HERC2: variants seen among roughly 807,000 people sequenced by gnomAD.
The protein encoded by HERC2 is E3 ubiquitin-protein ligase HERC2.
HERC2 carries 102 observed loss-of-function variants against 537.7 expected under a neutral mutation model. That is an observed-to-expected ratio of 0.19 (90% confidence interval 0.16 to 0.22). The LOEUF (loss-of-function observed/expected upper bound fraction) is 0.22, where lower values mean the gene tolerates loss of function less well. Ranked by LOEUF, HERC2 falls within the 10% of genes least tolerant of loss-of-function variation. The probability of loss-of-function intolerance (pLI) is 1.00; values close to 1 mark genes in which losing one functional copy is unlikely to be tolerated. For missense variants in HERC2, 4,236 were observed against 6,198.2 expected (o/e 0.68, Z 10.63); for synonymous variants, 2,224 against 2,466.2 (o/e 0.90, Z 2.91).
At chr15:28,112,527 C>G (rs1887760205) in intron 92 of HERC2, among the ~76,000 whole-genome samples, 1 of 152,238 alleles carries the variant, frequency 6.6e-6, no homozygotes, top group African/African-American at 2.4e-5. Flanking sequence ...GCAGGTCAGG[C>G]TGTGCTGGAC....
intron 23 of HERC2, among the ~76,000 whole-genome samples, chr15:28,240,695 A>G (rs963290148): frequency 6.6e-6 from 1 of 152,236 alleles, no homozygotes; most frequent in Non-Finnish European, 1.5e-5. Context: ...TGGACAGACA[A>G]ACATACAGAA....
Position 28,238,624 on chromosome 15 carries a change from C to T in HERC2, c.3726G>A (p.Ser1242=), listed in dbSNP as rs377103198. 7.4e-6 allele frequency: 12 copies of T among 1,611,280 alleles called. No homozygotes were observed. Among genetic ancestry groups the T allele is most frequent in the Admixed American group, 1.7e-5 (1 of 59,990 alleles). ...VYDIKDFQTQ[S]LTGNSILAQF... Reference sequence around the variant, plus strand: ...TACCAAGAATACTATTTCCTGTTAACGACTGTGTCTGGAAGTCCTTTATAT... The same window carrying T: ...TACCAAGAATACTATTTCCTGTTAATGACTGTGTCTGGAAGTCCTTTATAT... Residue 1242 remains serine, a synonymous_variant, in exon 24 of 93, where the codon TCG becomes TCA. Coordinates refer to ENST00000261609, the MANE Select transcript of HERC2 (RefSeq NM_004667.6).
chr15:28,199,311 A>T (rs1897669976), intron 48 of HERC2, among the ~76,000 whole-genome samples: 1 of 152,218 alleles, frequency 6.6e-6, no homozygotes, highest in South Asian at 2.1e-4. Context: ...GGGAGCTTTC[A>T]AAGATTACTG....
At chr15:28,161,061 C>T (rs1281448523) in intron 69 of HERC2, among the ~76,000 whole-genome samples, 1 of 152,144 alleles carries the variant, frequency 6.6e-6, no homozygotes, top group Non-Finnish European at 1.5e-5. Context: ...CTTTTTAGTT[C>T]TTCATGAATA....
At chr15:28,197,434 T>C (rs1204586957) in intron 50 of HERC2, among the ~76,000 whole-genome samples, 2 of 152,202 alleles carry the variant, frequency 1.3e-5, no homozygotes, top group Admixed American at 6.5e-5. Flanking sequence ...TTTCCATTTC[T>C]TAAATTCAGT....
chr15:28,156,551 TTGTC>T (rs2142379345), intron 69 of HERC2, among the ~76,000 whole-genome samples: 1 of 152,278 alleles, frequency 6.6e-6, no homozygotes, highest in East Asian at 1.9e-4. Flanking sequence ...ATTTTGCTGT[TTGTC>T]TGTTATTGAT....
rs1053687006 is a variant in HERC2 at position 28,132,044 on chromosome 15, G to A, written c.12570+56C>T. On this transcript the variant is annotated intron_variant, in intron 81 of 92. Transcript: ENST00000261609. Reference sequence around the variant, plus strand: ...GCTGTGTTTTCCCAGAGGGGCCCTGGGGGCCCGACTGCGGTGAGCTGGGAG... The same window carrying A: ...GCTGTGTTTTCCCAGAGGGGCCCTGAGGGCCCGACTGCGGTGAGCTGGGAG... The A allele has an allele frequency of 9.1e-6, 12 of 1,316,414 alleles. No homozygotes were observed. In the African/African-American group the frequency reaches 2.2e-4, roughly 25 times the overall value. 81.5% of individuals were successfully genotyped at this position (1,316,414 alleles called of 1,614,324 possible).
intron 4 of HERC2, among the ~76,000 whole-genome samples, chr15:28,282,453 TAGAA>T (rs1215387441): frequency 2.6e-5 from 4 of 151,232 alleles, no homozygotes; most frequent in Non-Finnish European, 1.5e-5. Flanking sequence ...AATGAAAAAA[TAGAA>T]AGCCTAAGAC....
chr15:28,135,275 T>C (rs1372644280), intron 79 of HERC2, among the ~76,000 whole-genome samples: 4 of 152,206 alleles, frequency 2.6e-5, no homozygotes, highest in Admixed American at 6.5e-5. Context: ...GACTTTTTTT[T>C]CCCTCTCAAC....
chr15:28,162,621 T>C (rs890774099), intron 69 of HERC2, among the ~76,000 whole-genome samples: 6 of 152,030 alleles, frequency 3.9e-5, no homozygotes, highest in African/African-American at 1.4e-4. Flanking sequence ...CCAGGTTTGG[T>C]GCTCACTCCT....
intron 12 of HERC2, among the ~76,000 whole-genome samples, chr15:28,266,531 T>G (rs957980570): frequency 3.9e-5 from 6 of 152,004 alleles, no homozygotes; most frequent in African/African-American, 1.4e-4. Flanking sequence ...AAAAGAGACT[T>G]GTAAAGTCCA....
intron 44 of HERC2, 66 bp from the exon 45 acceptor site, chr15:28,206,448 AG>A: frequency 5.1e-6 from 3 of 592,330 alleles, no homozygotes. Flanking sequence ...TTACTATTAA[AG>A]AAAATGCATT....
In HERC2 at chr15:28,248,712, G is replaced by C; in HGVS notation, c.3075C>G (p.Ala1025=). ...TCCGACGGGCAACATCTTTCAATCTGGCTACAGTCTGAGAAGCAATGTTTC... is the reference window on the plus strand; with the variant it reads ...TCCGACGGGCAACATCTTTCAATCTCGCTACAGTCTGAGAAGCAATGTTTC... ...LLRNIASQTV[A]RLKDVARRIS... is the part of the protein sequence containing the mutation. Residue 1025 remains alanine, a synonymous_variant, in exon 21 of 93, where the codon GCC becomes GCG. Transcript: ENST00000261609. 2.5e-6 allele frequency: 4 copies of C among 1,613,744 alleles called. No homozygotes were observed. Among genetic ancestry groups the C allele is most frequent in the Non-Finnish European group, 3.4e-6 (4 of 1,179,738 alleles).
intron 67 of HERC2, 122 bp from the exon 68 acceptor site, chr15:28,167,949 T>C: frequency 9.0e-7 from 1 of 1,115,518 alleles, no homozygotes; most frequent in Non-Finnish European, 1.3e-6. Flanking sequence ...ATGTTCCAGA[T>C]TTTACAGAGG....
intron 79 of HERC2, among the ~76,000 whole-genome samples, chr15:28,133,416 CAT>C (rs1346979108): frequency 6.6e-6 from 1 of 152,152 alleles, no homozygotes; most frequent in Non-Finnish European, 1.5e-5. Flanking sequence ...TCAATCTCTT[CAT>C]AGTGTCTTTT....
chr15:28,294,632 C>T (rs530918522), intron 3 of HERC2, among the ~76,000 whole-genome samples: 4 of 151,530 alleles, frequency 2.6e-5, no homozygotes, highest in African/African-American at 9.7e-5. Flanking sequence ...TCATCCCTGC[C>T]GGCCCAGAGT....
chr15:28,179,342 A>G (rs1895606234), intron 57 of HERC2, 119 bp from the exon 58 acceptor site: 1 of 766,822 alleles, frequency 1.3e-6, no homozygotes, highest in Admixed American at 2.8e-5. Context: ...GTAACATTTC[A>G]CTCAACCACA....
chr15:28,186,331 G>C (rs1596159488), intron 56 of HERC2, among the ~76,000 whole-genome samples: 1 of 152,064 alleles, frequency 6.6e-6, no homozygotes, highest in Non-Finnish European at 1.5e-5. Context: ...TGATATTTTA[G>C]GTAGAGATAT....
At chr15:28,187,697 C>A (rs992526399) in intron 55 of HERC2, among the ~76,000 whole-genome samples, 1 of 152,230 alleles carries the variant, frequency 6.6e-6, no homozygotes, top group East Asian at 1.9e-4. Context: ...ACAATAACTC[C>A]CATATCACCC....
Sources: allele counts gnomAD v4.1 joint callset (sites outside exome capture counted in the v4.1 genomes callset), GRCh38; gene constraint gnomAD v4.1.1; transcripts MANE v1.5; gene names NCBI Gene and HGNC (gene_info 2026-07-23, HGNC 2026-07-21).